CEP192: variants seen among roughly 807,000 people sequenced by gnomAD.
CEP192 encodes centrosomal protein of 192 kDa.
Under a neutral mutation model 271.8 loss-of-function variants are expected in CEP192, and 151 were observed. The observed-to-expected ratio is 0.56, with a 90% CI of 0.49 to 0.64. CEP192 has a LOEUF of 0.64. Among genes scored for constraint, CEP192 ranks in the 30% least tolerant of loss-of-function variants. The probability of loss-of-function intolerance (pLI) is 0.00; values close to 1 mark genes in which losing one functional copy is unlikely to be tolerated. For missense variants in CEP192, 2,910 were observed against 3,020.5 expected (o/e 0.96, Z 0.86); for synonymous variants, 995 against 1,076.5 (o/e 0.92, Z 1.48).
Position 13,048,843 on chromosome 18 carries a change from A to G in CEP192, c.2068-16A>G. 2 of 1,522,974 alleles carry G rather than the reference A, an allele frequency of 1.3e-6. No individual in the cohort carries two copies. Among genetic ancestry groups the G allele is most frequent in the African/African-American group, 1.4e-5 (1 of 71,692 alleles). 94.3% of individuals were successfully genotyped at this position (1,522,974 alleles called of 1,614,324 possible). ...CTGGGGTAAATTTATCTGATGTTTA[A>G]TTTTCTCACTTCTAGGACACTTTCT... is the stretch of plus-strand genomic sequence containing the variant. On this transcript the variant is annotated splice_polypyrimidine_tract_variant and intron_variant, in intron 15 of 44. Coordinates refer to ENST00000506447, the MANE Select transcript of CEP192 (RefSeq NM_032142.4).
intron 8 of CEP192, 101 bp downstream of exon 8, chr18:13,018,716 C>A: frequency 2.5e-6 from 2 of 804,726 alleles, no homozygotes; most frequent in Non-Finnish European, 3.7e-6. Flanking sequence ...CATATATTAA[C>A]TCTTCTAGTC....
At chr18:13,124,596 A>C (rs771709695) in intron 44 of CEP192, 36 bp from the exon 45 acceptor site, 14 of 1,589,848 alleles carry the variant, frequency 8.8e-6, no homozygotes, top group Non-Finnish European at 1.2e-5. Context: ...GGGTGCTGTC[A>C]TGACATGCTG....
rs375484412 is a variant in CEP192, at chr18:13,073,152, T to C, written c.5583T>C (p.Leu1861=). 35 of 1,612,296 alleles carry C rather than the reference T, an allele frequency of 2.2e-5. No individual in the cohort carries two copies. The highest frequency in any genetic ancestry group is 1.6e-4 in the Middle Eastern group (1 of 6,078). Reference sequence around the variant, plus strand: ...TGGCTAGACTAGAAATCAAACAACTTGGAAATCGATCACAACCAGGCATTA... The same window carrying C: ...TGGCTAGACTAGAAATCAAACAACTCGGAAATCGATCACAACCAGGCATTA... ...CMLARLEIKQ[L]GNRSQPGIKF... is the part of the protein sequence containing the mutation. The change falls in exon 30 of 45, where the codon CTT becomes CTC. Residue 1861 remains leucine, a synonymous_variant. Transcript: ENST00000506447.
At chr18:13,027,873 T>C (rs932687545) in intron 9 of CEP192, among the ~76,000 whole-genome samples, 1 of 152,208 alleles carries the variant, frequency 6.6e-6, no homozygotes, top group Non-Finnish European at 1.5e-5. Context: ...GTATTTTAAC[T>C]TAATTTTGTA....
At chr18:12,994,700 C>T (rs988302241) in intron 1 of CEP192, among the ~76,000 whole-genome samples, 3 of 152,134 alleles carry the variant, frequency 2.0e-5, no homozygotes, top group African/African-American at 7.2e-5. Flanking sequence ...TGTTTGACAA[C>T]AGTGTATTGA....
intron 9 of CEP192, among the ~76,000 whole-genome samples, chr18:13,027,938 G>GT (rs2035396565): frequency 6.6e-6 from 1 of 151,918 alleles, no homozygotes; most frequent in African/African-American, 2.4e-5. Flanking sequence ...GCTTTAATGT[G>GT]TGTATGAGCT....
At chr18:13,002,119 A>G (rs1046630721) in intron 3 of CEP192, among the ~76,000 whole-genome samples, 1 of 152,214 alleles carries the variant, frequency 6.6e-6, no homozygotes. Flanking sequence ...AATATAGAAA[A>G]TTATTTGGAA....
intron 33 of CEP192, among the ~76,000 whole-genome samples, chr18:13,091,219 A>T (rs748099613): frequency 1.7e-4 from 26 of 152,212 alleles, no homozygotes; most frequent in Non-Finnish European, 2.9e-5. Flanking sequence ...TGCTCCAGGT[A>T]CAGCTGCATG....
chr18:13,096,641 G>A (rs997578678), intron 36 of CEP192, among the ~76,000 whole-genome samples: 12 of 152,210 alleles, frequency 7.9e-5, no homozygotes, highest in Non-Finnish European at 1.5e-4. Context: ...GAATGCAACT[G>A]GACATGGGAT....
Position 13,049,502 on chromosome 18 carries a change from C to T in CEP192, c.2711C>T (p.Ser904Phe). The T allele has an allele frequency of 6.2e-7, 1 of 1,614,082 alleles. No homozygotes were observed. The highest frequency in any genetic ancestry group is 8.5e-7 in the Non-Finnish European group (1 of 1,179,998). Residue 904 changes from serine to phenylalanine, a missense_variant, in exon 16 of 45, where the codon TCT becomes TTT. Transcript: ENST00000506447. The stretch of plus-strand genomic sequence containing the variant: ...AAAGCTACCTCAATTTCCACTCCAT[C>T]TGATAGTTATTCATCAGTGAGGAAC... ...DEKATSISTP[S>F]DSYSSVRNPR... is the part of the protein sequence containing the mutation.
intron 41 of CEP192, 49 bp downstream of exon 41, chr18:13,113,754 C>T (rs763782101): frequency 1.3e-6 from 2 of 1,510,816 alleles, no homozygotes; most frequent in South Asian, 1.2e-5. Flanking sequence ...ATTTTAAAAA[C>T]AGAAAGGGAA....
chr18:13,017,046 A>T, intron 6 of CEP192, 142 bp from the exon 7 acceptor site: 1 of 602,400 alleles, frequency 1.7e-6, no homozygotes, highest in East Asian at 2.8e-5. Flanking sequence ...TGAAGTTACA[A>T]TAGTTTTCTC....
rs74420724 is a variant in CEP192 at position 13,019,103 on chromosome 18, A to G, written c.947A>G (p.Asp316Gly). Residue 316 changes from aspartate to glycine, a missense_variant, in exon 9 of 45, where the codon GAT becomes GGT. Physicochemically the swap from Asp to Gly is moderately conservative, Grantham distance 94 (BLOSUM62 -1). Transcript: ENST00000506447. The part of the protein sequence containing the change: ...PGTSNSIGTG[D>G]SRRYTDGMLP... ...TCAGGTAATTCTATAGGTACTGGAG[A>G]TAGTAGAAGGTACACAGATGGTATG... 1.1e-3 allele frequency: 1,650 copies of G among 1,539,178 alleles called. 21 individuals carry two copies. In the African/African-American group the frequency reaches 0.021, roughly 19 times the overall value.
intron 17 of CEP192, among the ~76,000 whole-genome samples, 191 bp from the exon 18 acceptor site, chr18:13,052,728 A>G (rs1219604950): frequency 6.6e-6 from 1 of 152,226 alleles, no homozygotes; most frequent in Non-Finnish European, 1.5e-5. Flanking sequence ...ATGCCACAAT[A>G]CATTTTACAC....
chr18:13,024,933 C>G (rs1487024446), intron 9 of CEP192, among the ~76,000 whole-genome samples: 1 of 151,142 alleles, frequency 6.6e-6, no homozygotes, highest in Non-Finnish European at 1.5e-5. Context: ...CCCCACCTGG[C>G]TAATTTTTTT....
chr18:13,000,244 G>C (rs1008549847), intron 2 of CEP192: 9 of 151,638 alleles, frequency 5.9e-5, no homozygotes, highest in Admixed American at 5.9e-4. Context: ...ACAGGTGTGA[G>C]CTACCATACC....
At chr18:12,994,057 G>C (rs771909786) in intron 1 of CEP192, among the ~76,000 whole-genome samples, 27 of 152,136 alleles carry the variant, frequency 1.8e-4, no homozygotes, top group Admixed American at 3.3e-4. Flanking sequence ...TCATTCATTC[G>C]TTTCACAGAT....
intron 34 of CEP192, 75 bp from the exon 35 acceptor site, chr18:13,095,428 C>A: frequency 2.8e-6 from 3 of 1,054,362 alleles, no homozygotes; most frequent in Non-Finnish European, 2.8e-6. Flanking sequence ...GTGATACAAT[C>A]TGGCCTTTTA....
chr18:12,995,631 T>C (rs954820902), intron 1 of CEP192, among the ~76,000 whole-genome samples: 6 of 152,174 alleles, frequency 3.9e-5, no homozygotes, highest in Non-Finnish European at 5.9e-5. Context: ...TACATTCTAA[T>C]GTGGGGAGAA....
Sources: gnomAD v4.1 joint callset for allele counts (sites outside exome capture counted in the v4.1 genomes callset) on GRCh38, gnomAD v4.1.1 for gene constraint, MANE v1.5 for transcripts, NCBI Gene and HGNC (gene_info 2026-07-23, HGNC 2026-07-21) for gene names.